Variants in TGFA observed in about 807,000 individuals in gnomAD.
The protein encoded by TGFA is protransforming growth factor alpha.
TGFA carries 12 observed loss-of-function variants against 21.7 expected under a neutral mutation model. That is an observed-to-expected ratio of 0.55 (90% CI 0.35 to 0.90). The LOEUF is 0.90. Among genes scored for constraint, TGFA ranks in the 40% least tolerant of loss-of-function variants. The pLI is 0.01. For synonymous variants in TGFA, 79 were observed against 88.1 expected (o/e 0.90, Z 0.58); for missense variants, 178 against 210.8 (o/e 0.84, Z 0.96).
chr2:70,470,528 A>G (rs1201846018), intron 2 of TGFA, among the ~76,000 whole-genome samples: 2 of 152,240 alleles, frequency 1.3e-5, no homozygotes, highest in Non-Finnish European at 2.9e-5. Context: ...AGGGGACTTC[A>G]TGTGCTGTGG....
At chr2:70,512,511 G>A (rs972988114) in intron 2 of TGFA, among the ~76,000 whole-genome samples, 31 of 152,314 alleles carry the variant, frequency 2.0e-4, no homozygotes, top group African/African-American at 7.2e-4. Flanking sequence ...CGCAGCAGGG[G>A]TTCAACTGCT....
At chr2:70,490,146 T>G (rs1458558280) in intron 2 of TGFA, among the ~76,000 whole-genome samples, 1 of 152,132 alleles carries the variant, frequency 6.6e-6, no homozygotes, top group Admixed American at 6.6e-5. Context: ...AGAAATCCCT[T>G]CCTGGACTAT....
At chr2:70,535,433 A>G (rs1275362742) in intron 1 of TGFA, among the ~76,000 whole-genome samples, 1 of 152,262 alleles carries the variant, frequency 6.6e-6, no homozygotes, top group Non-Finnish European at 1.5e-5. Flanking sequence ...ATGTAGATAC[A>G]TAGCATCTCC....
chr2:70,465,740 G>A lies in TGFA; in HGVS notation c.95-4C>T. 6.2e-7 allele frequency: 1 copy of A among 1,613,762 alleles called. No homozygotes were observed. Among genetic ancestry groups the A allele is most frequent in the Non-Finnish European group, 8.5e-7 (1 of 1,179,926 alleles). ...GCTGCAGCCACGGGCGGGTCTGCTGGGGAGAGGAAAGATGCAGGGCTCAGA... is the reference window on the plus strand; with the variant it reads ...GCTGCAGCCACGGGCGGGTCTGCTGAGGAGAGGAAAGATGCAGGGCTCAGA... On this transcript the variant is annotated splice_polypyrimidine_tract_variant and splice_region_variant and intron_variant, in intron 2 of 5. Transcript: ENST00000295400.
chr2:70,531,818 A>G (rs534976691), intron 1 of TGFA, among the ~76,000 whole-genome samples: 2 of 152,250 alleles, frequency 1.3e-5, no homozygotes, highest in Non-Finnish European at 2.9e-5. Flanking sequence ...GTCATCAATG[A>G]AAACATTGAT....
intron 1 of TGFA, among the ~76,000 whole-genome samples, chr2:70,546,631 A>G (rs547466151): frequency 6.7e-6 from 1 of 149,466 alleles, no homozygotes; most frequent in African/African-American, 2.5e-5. Flanking sequence ...GCACTACCAC[A>G]CCCCGCTAAT....
intron 3 of TGFA, among the ~76,000 whole-genome samples, chr2:70,463,211 A>T (rs569356025): frequency 3.3e-5 from 5 of 151,922 alleles, no homozygotes; most frequent in Non-Finnish European, 7.4e-5. Context: ...TTGAGAGGGG[A>T]GTTGTGAGGG....
chr2:70,527,551 T>C (rs895834998), intron 1 of TGFA, among the ~76,000 whole-genome samples: 49 of 152,316 alleles, frequency 3.2e-4, no homozygotes, highest in African/African-American at 8.9e-4. Context: ...TCCAAACACA[T>C]AGAATGTACA....
At chr2:70,527,389 G>C (rs1339824369) in intron 1 of TGFA, among the ~76,000 whole-genome samples, 1 of 152,212 alleles carries the variant, frequency 6.6e-6, no homozygotes, top group Non-Finnish European at 1.5e-5. Flanking sequence ...TCTGAAAAAG[G>C]CAAAACTGTA....
chr2:70,532,402 G>A (rs1300431730), intron 1 of TGFA, among the ~76,000 whole-genome samples: 1 of 152,192 alleles, frequency 6.6e-6, no homozygotes, highest in Non-Finnish European at 1.5e-5. Flanking sequence ...CTCTGCCCCA[G>A]TGGAGTCAGA....
At chr2:70,496,214 T>C (rs1671574975) in intron 2 of TGFA, among the ~76,000 whole-genome samples, 1 of 152,198 alleles carries the variant, frequency 6.6e-6, no homozygotes. Context: ...TGCCATAAAT[T>C]ATTTTTATTG....
At chr2:70,487,937 G>A (rs552019459) in intron 2 of TGFA, among the ~76,000 whole-genome samples, 1 of 152,306 alleles carries the variant, frequency 6.6e-6, no homozygotes, top group Non-Finnish European at 1.5e-5. Flanking sequence ...ACTCCCCTGA[G>A]GAGGAGATGA....
At chr2:70,471,213 A>G (rs1670739131) in intron 2 of TGFA, among the ~76,000 whole-genome samples, 1 of 151,856 alleles carries the variant, frequency 6.6e-6, no homozygotes, top group East Asian at 1.9e-4. Context: ...AGGAAGTTCA[A>G]TGTGCACCAT....
rs1306709689 is a variant in TGFA, at chr2:70,447,631, T to C, written c.*3228A>G. On this transcript the variant is annotated 3_prime_UTR_variant, in exon 6 of 6. Transcript: ENST00000295400. ...ATTAAGACTAAGAAGAGGAGTTGCTTTTTCAGTACTCTCTCTCTCTCTGTG... is the reference window on the plus strand; with the variant it reads ...ATTAAGACTAAGAAGAGGAGTTGCTCTTTCAGTACTCTCTCTCTCTCTGTG... The C allele has an allele frequency of 1.3e-5, 2 of 152,534 alleles. No homozygotes were observed. The highest frequency in any genetic ancestry group is 2.9e-5 in the Non-Finnish European group (2 of 68,040). The allele number at this position is 152,534 out of a possible 1,614,324, so 9.4% of individuals were successfully genotyped here.
intron 1 of TGFA, among the ~76,000 whole-genome samples, chr2:70,533,869 C>G (rs1295963404): frequency 1.3e-5 from 2 of 149,490 alleles, no homozygotes; most frequent in African/African-American, 5.0e-5. Flanking sequence ...TTAAAATCCA[C>G]ATTTTTTTTT....
intron 2 of TGFA, among the ~76,000 whole-genome samples, chr2:70,489,052 G>A (rs1210739417): frequency 6.6e-6 from 1 of 152,202 alleles, no homozygotes; most frequent in Non-Finnish European, 1.5e-5. Context: ...CGAGTCAGCA[G>A]CACGGGCCCC....
intron 2 of TGFA, among the ~76,000 whole-genome samples, chr2:70,513,107 G>A (rs1163884138): frequency 2.6e-5 from 4 of 152,222 alleles, no homozygotes; most frequent in African/African-American, 9.6e-5. Context: ...CTTAGCCCAT[G>A]GAGATGCGTG....
chr2:70,553,095 C>T, intron 1 of TGFA: 1 of 1,386,486 alleles, frequency 7.2e-7, no homozygotes, highest in Non-Finnish European at 9.8e-7. Context: ...TCTAGGGTTT[C>T]GCTCCTGCCC....
At chr2:70,514,049 G>A (rs1420100805) in intron 2 of TGFA, among the ~76,000 whole-genome samples, 1 of 152,210 alleles carries the variant, frequency 6.6e-6, no homozygotes, top group Non-Finnish European at 1.5e-5. Context: ...GGCATGAAGA[G>A]GTAGCATCAT....
Sources: gnomAD v4.1 joint callset for allele counts (sites outside exome capture counted in the v4.1 genomes callset) on GRCh38, gnomAD v4.1.1 for gene constraint, MANE v1.5 for transcripts, NCBI Gene and HGNC (gene_info 2026-07-23, HGNC 2026-07-21) for gene names.